P4HA3: variants seen among roughly 807,000 people sequenced by gnomAD.
P4HA3 encodes the protein prolyl 4-hydroxylase subunit alpha 3.
P4HA3 carries 60 observed loss-of-function variants against 66.7 expected under a neutral mutation model. The observed-to-expected ratio is 0.90, with a 90% CI of 0.73 to 1.12. The LOEUF is 1.12. Ranked by LOEUF, P4HA3 falls within the 50% of genes most tolerant of loss-of-function variation. The pLI is 0.00. For missense variants in P4HA3, 683 were observed against 685.8 expected (o/e 1.00, Z 0.05); for synonymous variants, 263 against 274.6 (o/e 0.96, Z 0.42).
chr11:74,264,512 C>T (rs1859958921), downstream of P4HA3, among the ~76,000 whole-genome samples: 1 of 152,112 alleles, frequency 6.6e-6, no homozygotes, highest in Non-Finnish European at 1.5e-5. Context: ...CCACTCGTGG[C>T]CACATGGTTT....
rs183846175 is a variant in P4HA3 at position 74,288,465 on chromosome 11, T to G, written c.769+614A>C. Among the ~76,000 whole-genome samples the G allele has an allele frequency of 1.4e-4, 21 of 152,344 alleles. No homozygotes were observed. The East Asian group carries it at 4.0e-3, about 29-fold the overall frequency. On this transcript the variant is annotated intron_variant, in intron 5 of 12. Transcript: ENST00000331597. ...GTCTTTAAAATGTCTCTGAAGAAAC[T>G]GGCTCCCACTCCTGGACTTTTTCCC...
intron 2 of P4HA3, 44 bp from the exon 3 acceptor site, chr11:74,302,636 G>A: frequency 6.5e-7 from 1 of 1,547,102 alleles, no homozygotes; most frequent in African/African-American, 1.4e-5. Flanking sequence ...CAAGAAACAG[G>A]AGTTGGGCAT....
At chr11:74,277,670 A>C (rs1000720790) in intron 8 of P4HA3, among the ~76,000 whole-genome samples, 3 of 152,234 alleles carry the variant, frequency 2.0e-5, no homozygotes, top group Non-Finnish European at 1.5e-5. Flanking sequence ...GTTACTTTTA[A>C]ACACAGGAAA....
intron 10 of P4HA3, among the ~76,000 whole-genome samples, chr11:74,270,532 G>C (rs1459671089): frequency 3.3e-5 from 5 of 151,472 alleles, no homozygotes; most frequent in Non-Finnish European, 7.4e-5. Flanking sequence ...AAAAGTTATA[G>C]TTTACATAGT....
intron 4 of P4HA3, among the ~76,000 whole-genome samples, chr11:74,292,315 G>A (rs1172152622): frequency 1.3e-5 from 2 of 151,996 alleles, no homozygotes; most frequent in African/African-American, 4.8e-5. Context: ...TTTTTATTGT[G>A]TCTATTTGAT....
intron 11 of P4HA3, 67 bp downstream of exon 11, chr11:74,269,585 C>T (rs1037495572): frequency 8.7e-6 from 13 of 1,491,128 alleles, no homozygotes; most frequent in South Asian, 2.5e-5. Context: ...GCACAGACAG[C>T]GTGAAGGTTA....
At chr11:74,278,503 C>T (rs957669940) in intron 8 of P4HA3, among the ~76,000 whole-genome samples, 24 of 152,040 alleles carry the variant, frequency 1.6e-4, no homozygotes, top group East Asian at 7.7e-4. Flanking sequence ...GAGGACAGAA[C>T]CAAAAGTCAA....
intron 10 of P4HA3, 93 bp downstream of exon 10, chr11:74,273,452 A>T: frequency 8.6e-7 from 1 of 1,166,694 alleles, no homozygotes; most frequent in Non-Finnish European, 1.1e-6. Context: ...GCTGAGTACC[A>T]GATAAAATCA....
At chr11:74,296,914 AG>A in intron 4 of P4HA3, among the ~76,000 whole-genome samples, 1 of 145,672 alleles carries the variant, frequency 6.9e-6, no homozygotes, top group South Asian at 2.2e-4. Flanking sequence ...GCACATACAC[AG>A]TTTTTTTTTT....
chr11:74,301,996 A>G lies in P4HA3; in HGVS notation c.567+373T>C, dbSNP rs763656916. ...TCTACCCAGGAGTTCATGCACTGGC[A>G]GGGTGCTATAGTTAGGGTGAACAAA... On this transcript the variant is annotated intron_variant, in intron 3 of 12. Coordinates refer to ENST00000331597, the MANE Select transcript of P4HA3 (RefSeq NM_182904.5). 3.3e-5 allele frequency among the ~76,000 whole-genome samples: 5 copies of G among 152,108 alleles called. 1 individual carries two copies. In the South Asian group the frequency reaches 8.3e-4, roughly 25 times the overall value.
At position 74,269,719 on chromosome 11, in the gene P4HA3, A is replaced by G; in HGVS notation, c.1400T>C (p.Leu467Pro). ...GGCTCCTCCAGCTTCCACCGAGCTC[A>G]GCTACAAGACCAGAGGAAGAAGCCA... ...GNRVATFMIYLSSVEAGGATA... is the reference protein window; with the variant it reads ...GNRVATFMIYPSSVEAGGATA... The change falls in exon 11 of 13, where the codon CTG (leucine) becomes CCG (proline). Residue 467 changes from leucine to proline, a missense_variant and splice_region_variant. Leu to Pro is a moderately conservative substitution (Grantham distance 98). Coordinates refer to ENST00000331597, the MANE Select transcript of P4HA3 (RefSeq NM_182904.5). 6.2e-7 allele frequency: 1 copy of G among 1,613,876 alleles called. No individual in the cohort carries two copies. The highest frequency in any genetic ancestry group is 8.5e-7 in the Non-Finnish European group (1 of 1,179,850).
chr11:74,276,952 C>T, intron 9 of P4HA3, 33 bp downstream of exon 9: 2 of 1,588,814 alleles, frequency 1.3e-6, no homozygotes, highest in Non-Finnish European at 8.6e-7. Context: ...TGGCTCCCTA[C>T]CCCAGGGGAT....
At chr11:74,255,859 T>C in intron 15 of P4HA3, 1 of 459,610 alleles carries the variant, frequency 2.2e-6, no homozygotes, top group Non-Finnish European at 4.3e-6. Flanking sequence ...TTCAGGGTAG[T>C]TCATGAGCTC....
intron 5 of P4HA3, chr11:74,287,162 G>A: frequency 8.0e-7 from 1 of 1,255,738 alleles, no homozygotes; most frequent in Non-Finnish European, 1.0e-6. Context: ...CATTGGCAGA[G>A]CTACCCGTGG....
intron 4 of P4HA3, among the ~76,000 whole-genome samples, chr11:74,293,346 A>G (rs1861100363): frequency 6.6e-6 from 1 of 152,196 alleles, no homozygotes; most frequent in African/African-American, 2.4e-5. Flanking sequence ...GTGTCTCTGC[A>G]CATGAGATGA....
chr11:74,311,638 G>A lies in P4HA3; in HGVS notation c.-27C>T, dbSNP rs1375541601. 3 of 1,455,444 alleles carry A rather than the reference G, an allele frequency of 2.1e-6. No homozygotes were observed. Among genetic ancestry groups the A allele is most frequent in the Non-Finnish European group, 2.7e-6 (3 of 1,114,100 alleles). 90.2% of individuals were successfully genotyped at this position (1,455,444 alleles called of 1,614,324 possible). On this transcript the variant is annotated 5_prime_UTR_variant, in exon 1 of 13. Coordinates refer to ENST00000331597, the MANE Select transcript of P4HA3 (RefSeq NM_182904.5). ...GCCAGCGCTCGCGAACTTCCCCTCA[G>A]ACAGTCCTGGCCGCGCGGCGGCAGC...
intron 11 of P4HA3, 141 bp downstream of exon 11, chr11:74,269,511 A>G: frequency 2.6e-6 from 2 of 774,796 alleles, no homozygotes; most frequent in South Asian, 4.2e-5. Flanking sequence ...CTATGGGATG[A>G]TCTGTGATTC....
At chr11:74,256,061 C>A in intron 15 of P4HA3, 1 of 445,480 alleles carries the variant, frequency 2.2e-6, no homozygotes, top group South Asian at 1.6e-5. Context: ...ACACACATCT[C>A]ATTTAATCTT....
intron 14 of P4HA3, among the ~76,000 whole-genome samples, chr11:74,261,233 A>C (rs531456795): frequency 3.3e-5 from 5 of 152,250 alleles, no homozygotes; most frequent in Non-Finnish European, 5.9e-5. Flanking sequence ...TGGTTTCTCT[A>C]TCTCTCTCTG....
Sources: allele counts gnomAD v4.1 joint callset (sites outside exome capture counted in the v4.1 genomes callset), GRCh38; gene constraint gnomAD v4.1.1; transcripts MANE v1.5; gene names NCBI Gene and HGNC (gene_info 2026-07-23, HGNC 2026-07-21).